Variants in LEMD3 observed in about 807,000 individuals in gnomAD.
LEMD3 encodes the protein LEM domain containing 3.
LEMD3 carries 33 observed loss-of-function variants against 95.2 expected under a neutral mutation model. The observed-to-expected ratio is 0.35, with a 90% confidence interval of 0.26 to 0.46. The LOEUF is 0.46. Ranked by LOEUF, LEMD3 falls within the 20% of genes least tolerant of loss-of-function variation. The pLI is 1.00. For missense variants in LEMD3, 1,210 were observed against 1,192.8 expected (o/e 1.01, Z -0.21); for synonymous variants, 525 against 474.6 (o/e 1.11, Z -1.38).
At chr12:65,220,019 A>T (rs995860115) in intron 4 of LEMD3, among the ~76,000 whole-genome samples, 4 of 152,218 alleles carry the variant, frequency 2.6e-5, no homozygotes, top group African/African-American at 7.2e-5. Flanking sequence ...TGGCAATGCA[A>T]GTACTTCTTT....
rs76044543 is a variant in LEMD3 at position 65,181,842 on chromosome 12, T to C, written c.1522+10724T>C. Reference sequence around the variant, plus strand: ...AAATGTTATAAAATCTGAACATTTATGATTATGGTTCAAGATGTTCTAGAA... The same window carrying C: ...AAATGTTATAAAATCTGAACATTTACGATTATGGTTCAAGATGTTCTAGAA... On this transcript the variant is annotated intron_variant, in intron 1 of 12. Transcript: ENST00000308330. 0.011 allele frequency among the ~76,000 whole-genome samples: 1,708 copies of C among 152,162 alleles called. 67 individuals carry two copies. The East Asian group carries it at 0.12, about 11-fold the overall frequency.
Position 65,169,621 on chromosome 12 carries a change from C to T in LEMD3, c.25C>T (p.Pro9Ser), listed in dbSNP as rs1047174894. The T allele has an allele frequency of 2.5e-6, 4 of 1,588,978 alleles. No individual in the cohort carries two copies. The highest frequency in any genetic ancestry group is 3.6e-5 in the Admixed American group (2 of 55,594). ...AATGGCGGCGGCAGCAGCTTCGGCG[C>T]CTCAGCAGCTCTCGGATGAGGAGCT... Reference protein sequence around the residue: MAAAAASAPQQLSDEELFS... With the variant: MAAAAASASQQLSDEELFS... The change falls in exon 1 of 13, where the codon CCT becomes TCT. Residue 9 changes from proline (P) to serine (S), a missense_variant. Pro to Ser is a moderately conservative substitution (Grantham distance 74). Coordinates refer to ENST00000308330, the MANE Select transcript of LEMD3 (RefSeq NM_014319.5).
At chr12:65,226,507 ATTAAGAATGTAGTATATGTT>A (rs956400152) in intron 4 of LEMD3, among the ~76,000 whole-genome samples, 3 of 152,206 alleles carry the variant, frequency 2.0e-5, no homozygotes, top group Admixed American at 2.0e-4. Flanking sequence ...CTTTTTAAAA[ATTAAGAATGTAGTATATGTT>A]TTAAGGCTTT....
rs1054440209 is a variant in LEMD3 at position 65,218,697 on chromosome 12, G to A, written c.1695+78G>A. The A allele has an allele frequency of 6.4e-6, 5 of 785,496 alleles. No individual in the cohort carries two copies. In the East Asian group the frequency reaches 1.7e-4, roughly 27 times the overall value. 48.7% of individuals were successfully genotyped at this position (785,496 alleles called of 1,614,324 possible). Reference sequence around the variant, plus strand: ...TCATTGCTACTTGTAAGAATCATATGTTTGATTATTTTAATTGTACTGTTA... The same window carrying A: ...TCATTGCTACTTGTAAGAATCATATATTTGATTATTTTAATTGTACTGTTA... On this transcript the variant is annotated intron_variant, in intron 4 of 12. Transcript: ENST00000308330.
chr12:65,200,898 T>G (rs1164550293), intron 1 of LEMD3, among the ~76,000 whole-genome samples: 1 of 152,120 alleles, frequency 6.6e-6, no homozygotes, highest in Non-Finnish European at 1.5e-5. Context: ...TCATCTAGAT[T>G]CTCTTTTATC....
chr12:65,210,603 T>G (rs1869907298), intron 1 of LEMD3, among the ~76,000 whole-genome samples: 1 of 152,150 alleles, frequency 6.6e-6, no homozygotes, highest in Admixed American at 6.6e-5. Context: ...AACTACAATT[T>G]AGAGTAGCTA....
chr12:65,225,445 T>C (rs1020889387), intron 4 of LEMD3, among the ~76,000 whole-genome samples: 4 of 152,170 alleles, frequency 2.6e-5, no homozygotes, highest in Non-Finnish European at 5.9e-5. Context: ...CCTCTCTGGA[T>C]TTTTGCCTGT....
intron 1 of LEMD3, among the ~76,000 whole-genome samples, chr12:65,205,396 T>A (rs917230488): frequency 2.6e-5 from 4 of 152,146 alleles, no homozygotes; most frequent in Admixed American, 6.6e-5. Context: ...AATTTTTTTT[T>A]ATCATATATA....
chr12:65,216,040 G>A lies in LEMD3; in HGVS notation c.1624G>A (p.Ala542Thr). Reference protein sequence around the residue: ...YKLHDRLAQLAGDHECGSSSQ... With the variant: ...YKLHDRLAQLTGDHECGSSSQ... ...GCTTCATGATCGATTGGCACAGCTT[G>A]CAGGTAATTGTTTTAACTTTTATAG... The change falls in exon 3 of 13, where the codon GCA (alanine) becomes ACA (threonine). Residue 542 changes from alanine to threonine, a missense_variant. Transcript: ENST00000308330. 1.9e-6 allele frequency: 3 copies of A among 1,586,626 alleles called. No individual in the cohort carries two copies. The highest frequency in any genetic ancestry group is 2.6e-6 in the Non-Finnish European group (3 of 1,157,254).
In LEMD3 at chr12:65,238,868, A is replaced by G. The variant is rs1870851406; in HGVS notation, c.1921+54A>G. 15 of 1,557,934 alleles carry G rather than the reference A, an allele frequency of 9.6e-6. No homozygotes were observed. The South Asian group carries it at 1.6e-4, about 16-fold the overall frequency. On this transcript the variant is annotated intron_variant, in intron 6 of 12. Coordinates refer to ENST00000308330, the MANE Select transcript of LEMD3 (RefSeq NM_014319.5). ...AATTGCAGCCTGAATTTTTGTGTGTATTTCACTAAATGCCAGAGTTGAGAA... is the reference window on the plus strand; with the variant it reads ...AATTGCAGCCTGAATTTTTGTGTGTGTTTCACTAAATGCCAGAGTTGAGAA...
intron 3 of LEMD3, among the ~76,000 whole-genome samples, chr12:65,216,570 G>A (rs1036948626): frequency 6.6e-6 from 1 of 151,502 alleles, no homozygotes; most frequent in Non-Finnish European, 1.5e-5. Flanking sequence ...AGATTAATTA[G>A]TATCAAGTTT....
At position 65,246,237 on chromosome 12, in the gene LEMD3, C is replaced by G. The variant is rs962967741; in HGVS notation, c.2648C>G (p.Thr883Ser). 4.3e-6 allele frequency: 7 copies of G among 1,612,684 alleles called. No homozygotes were observed. The highest frequency in any genetic ancestry group is 5.9e-6 in the Non-Finnish European group (7 of 1,178,788). Residue 883 changes from threonine to serine, a missense_variant, in exon 13 of 13, where the codon ACT becomes AGT. This residue lies in a region of LEMD3 where 461 missense variants were observed against 569.8 expected (regional missense o/e 0.81). Coordinates refer to ENST00000308330, the MANE Select transcript of LEMD3 (RefSeq NM_014319.5). ...HRFPQALTSN[T>S]PLKPSNKHMN... The stretch of plus-strand genomic sequence containing the variant: ...TTTCCCCAGGCTCTCACTTCCAACA[C>G]TCCATTGAAGCCATCAAATAAACAT...
rs746216854 is a variant in LEMD3 at position 65,170,435 on chromosome 12, C to G, written c.839C>G (p.Ser280Cys). Residue 280 changes from serine to cysteine, a missense_variant, in exon 1 of 13, where the codon TCC becomes TGC. Ser to Cys is a moderately radical substitution (Grantham distance 112, BLOSUM62 -1). Transcript: ENST00000308330. ...AGCAGACAGGTATTAAAGGACGACT[C>G]CCTTTCCCGGCATCGGCCCAGACGA... ...ASSRQVLKDD[S>C]LSRHRPRRTH... 6.2e-7 allele frequency: 1 copy of G among 1,613,908 alleles called. No homozygotes were observed. Among genetic ancestry groups the G allele is most frequent in the Non-Finnish European group, 8.5e-7 (1 of 1,179,968 alleles).
intron 1 of LEMD3, among the ~76,000 whole-genome samples, chr12:65,202,223 G>A (rs1869623484): frequency 6.6e-6 from 1 of 151,934 alleles, no homozygotes; most frequent in Non-Finnish European, 1.5e-5. Flanking sequence ...TCACCATGTT[G>A]GCCAGACTGG....
Position 65,219,089 on chromosome 12 carries a change from T to C in LEMD3, c.1695+470T>C, listed in dbSNP as rs2136341302. 2.0e-5 allele frequency among the ~76,000 whole-genome samples: 3 copies of C among 152,078 alleles called. No homozygotes were observed. The South Asian group carries it at 6.2e-4, about 32-fold the overall frequency. On this transcript the variant is annotated intron_variant, in intron 4 of 12. Transcript: ENST00000308330. ...TTATAGGCGTGAGCCACCTGTTCAA[T>C]TTTTTTTAGTTTGTTTTAGAACATT...
chr12:65,207,200 G>A (rs1396001374), intron 1 of LEMD3, among the ~76,000 whole-genome samples: 1 of 152,128 alleles, frequency 6.6e-6, no homozygotes, highest in African/African-American at 2.4e-5. Flanking sequence ...TCAACGGAGA[G>A]GGTTGTAGTA....
intron 4 of LEMD3, among the ~76,000 whole-genome samples, chr12:65,225,052 A>T (rs1870406430): frequency 6.6e-6 from 1 of 152,086 alleles, no homozygotes; most frequent in African/African-American, 2.4e-5. Context: ...TCTTAAATTC[A>T]GTTATTCTTT....
At chr12:65,178,466 C>T (rs1200946378) in intron 1 of LEMD3, among the ~76,000 whole-genome samples, 1 of 152,150 alleles carries the variant, frequency 6.6e-6, no homozygotes, top group Non-Finnish European at 1.5e-5. Flanking sequence ...AATATTGGCC[C>T]TTCCACTTAC....
intron 1 of LEMD3, among the ~76,000 whole-genome samples, chr12:65,205,396 T>TA (rs1452760378): frequency 6.6e-6 from 1 of 152,146 alleles, no homozygotes; most frequent in African/African-American, 2.4e-5. Context: ...AATTTTTTTT[T>TA]ATCATATATA....
Sources: allele counts gnomAD v4.1 joint callset (sites outside exome capture counted in the v4.1 genomes callset), GRCh38; gene constraint gnomAD v4.1.1; regional missense constraint gnomAD v4.1.1; transcripts MANE v1.5; gene names NCBI Gene and HGNC (gene_info 2026-07-23, HGNC 2026-07-21).